Variants in KPNA2 observed in about 807,000 individuals in gnomAD.
KPNA2 encodes the protein importin subunit alpha-1.
In KPNA2, 20 loss-of-function variants were observed where a neutral mutation model predicts 53.7. The observed-to-expected ratio is 0.37, with a 90% confidence interval of 0.26 to 0.54. The LOEUF (loss-of-function observed/expected upper bound fraction) is 0.54, where lower values mean the gene tolerates loss of function less well. KPNA2 is among the 20% of genes least tolerant of loss of function. KPNA2 has a pLI of 0.83. For synonymous variants in KPNA2, 238 were observed against 227.5 expected (o/e 1.05, Z -0.42); for missense variants, 515 against 640.3 (o/e 0.80, Z 2.11).
chr17:68,043,984 G>C lies in KPNA2; in HGVS notation c.1077G>C (p.Met359Ile), dbSNP rs2071297289. The change falls in exon 8 of 11, where the codon ATG becomes ATC. Residue 359 changes from methionine to isoleucine, a missense_variant. By Grantham distance (10) the Met-to-Ile change is conservative. Coordinates refer to ENST00000330459, the MANE Select transcript of KPNA2 (RefSeq NM_002266.4). ...TNIQKEATWTMSNITAGRQDQ... is the reference protein window; with the variant it reads ...TNIQKEATWTISNITAGRQDQ... The stretch of plus-strand genomic sequence containing the variant: ...TTCAGAAGGAAGCTACGTGGACAAT[G>C]TCAAACATCACAGCCGGCCGCCAGG... 1 of 1,614,016 alleles carries C rather than the reference G, an allele frequency of 6.2e-7. No homozygotes were observed. Among genetic ancestry groups the C allele is most frequent in the Non-Finnish European group, 8.5e-7 (1 of 1,179,894 alleles).
In KPNA2 at chr17:68,040,853, C is replaced by CAGAT. The variant is rs201365288; in HGVS notation, c.302+90_302+93dup. On this transcript the variant is annotated intron_variant, in intron 4 of 10. Transcript: ENST00000330459. Reference sequence around the variant, plus strand: ...GGGGGGTGGGGCAGGAAGGGACAGACAGATAGTACAAGGAAAGATTAGGCC... The same window carrying CAGAT: ...GGGGGGTGGGGCAGGAAGGGACAGACAGATAGATAGTACAAGGAAAGATTAGGCC... 1,263 of 804,990 alleles carry CAGAT rather than the reference C, an allele frequency of 1.6e-3. 19 individuals carry two copies. In the African/African-American group the frequency reaches 0.019, roughly 12 times the overall value. The allele number at this position is 804,990 out of a possible 1,614,324, so 49.9% of individuals were successfully genotyped here. A position where few individuals can be genotyped will look rare whatever the true frequency, so the allele number is the denominator to read the frequency against.
intron 9 of KPNA2, among the ~76,000 whole-genome samples, chr17:68,045,043 C>G (rs1450990091): frequency 6.7e-6 from 1 of 148,308 alleles, no homozygotes; most frequent in Non-Finnish European, 1.5e-5. Context: ...TGCAGTGAGC[C>G]AAGTTTGTGT....
Position 68,042,991 on chromosome 17 carries a change from TCTTTAGCA to T in KPNA2, c.659_666del (p.Ser220LeufsTer6). 1 of 1,613,458 alleles carries T rather than the reference TCTTTAGCA, an allele frequency of 6.2e-7. No homozygotes were observed. Among genetic ancestry groups the T allele is most frequent in the Non-Finnish European group, 8.5e-7 (1 of 1,179,432 alleles). On this transcript the variant is annotated frameshift_variant and splice_region_variant, in exon 6 of 11. Transcript: ENST00000330459. LOFTEE classifies it high-confidence loss of function. ...TCTCCTTGCAGTTCCTGATATGTCA[TCTTTAGCA>T]GTAAGTTACTAACATGAGTAAAGTT...
At position 68,042,097 on chromosome 17, in the gene KPNA2, C is replaced by T. The variant is rs1599141439; in HGVS notation, c.315C>T (p.Ser105=). 1.2e-6 allele frequency: 2 copies of T among 1,612,486 alleles called. No homozygotes were observed. Among genetic ancestry groups the T allele is most frequent in the Non-Finnish European group, 1.7e-6 (2 of 1,178,816 alleles). Residue 105 remains serine (S), a synonymous_variant, in exon 5 of 11, where the codon TCC becomes TCT. Coordinates refer to ENST00000330459, the MANE Select transcript of KPNA2 (RefSeq NM_002266.4). ...TGTTCCCCTTTAGGAAACTACTTTC[C>T]AGAGAAAAACAGCCCCCCATAGACA... ...QATQAARKLL[S]REKQPPIDNI...
At chr17:68,043,028 C>CA in intron 6 of KPNA2, 29 bp downstream of exon 6, 1 of 1,608,960 alleles carries the variant, frequency 6.2e-7, no homozygotes, top group Non-Finnish European at 8.5e-7. Flanking sequence ...TAAAGTTACT[C>CA]ACTTCTTCAT....
intron 4 of KPNA2, 115 bp downstream of exon 4, chr17:68,040,881 C>T: frequency 1.5e-6 from 1 of 666,296 alleles, no homozygotes; most frequent in South Asian, 1.7e-5. Flanking sequence ...ATTAGGCCAG[C>T]CAGCCATAAG....
Position 68,040,693 on chromosome 17 carries a change from T to C in KPNA2, c.229T>C (p.Ser77Pro). 6.2e-7 allele frequency: 1 copy of C among 1,611,316 alleles called. No homozygotes were observed. Among genetic ancestry groups the C allele is most frequent in the Non-Finnish European group, 8.5e-7 (1 of 1,177,922 alleles). The change falls in exon 4 of 11, where the codon TCT becomes CCT. Residue 77 changes from serine (S) to proline (P), a missense_variant. Coordinates refer to ENST00000330459, the MANE Select transcript of KPNA2 (RefSeq NM_002266.4). ...NRNNQGTVNW[S>P]VDDIVKGINS... ...TTTCTTCTAGGGCACTGTAAATTGG[T>C]CTGTTGATGACATTGTCAAAGGCAT...
intron 3 of KPNA2, among the ~76,000 whole-genome samples, chr17:68,039,472 A>T (rs751708707): frequency 6.6e-6 from 1 of 151,700 alleles, no homozygotes; most frequent in Non-Finnish European, 1.5e-5. Flanking sequence ...AAATATGTAG[A>T]TTATAAAATT....
chr17:68,043,604 G>A (rs1428796599), intron 7 of KPNA2, among the ~76,000 whole-genome samples: 1 of 151,220 alleles, frequency 6.6e-6, no homozygotes, highest in Non-Finnish European at 1.5e-5. Context: ...TACTCGGGAG[G>A]CTAAGGCAGG....
intron 3 of KPNA2, among the ~76,000 whole-genome samples, chr17:68,039,029 T>A (rs2071222246): frequency 6.6e-6 from 1 of 152,174 alleles, no homozygotes; most frequent in Non-Finnish European, 1.5e-5. Context: ...ATCCCTACTC[T>A]ATGAAGGCCT....
Position 68,037,505 on chromosome 17 carries a change from G to A in KPNA2, c.213+10G>A. 6.2e-7 allele frequency: 1 copy of A among 1,608,932 alleles called. No homozygotes were observed. The highest frequency in any genetic ancestry group is 2.2e-5 in the East Asian group (1 of 44,858). On this transcript the variant is annotated intron_variant, in intron 3 of 10. Coordinates refer to ENST00000330459, the MANE Select transcript of KPNA2 (RefSeq NM_002266.4). ...AAACCGCAACAACCAGGTAAAAAAT[G>A]TATTTTAGTTTATGAGTTACGTGAA... is the stretch of plus-strand genomic sequence containing the variant.
In KPNA2 at chr17:68,037,390, G is replaced by A; in HGVS notation, c.108G>A (p.Val36=). The A allele has an allele frequency of 2.5e-6, 4 of 1,614,026 alleles. No homozygotes were observed. Among genetic ancestry groups the A allele is most frequent in the Non-Finnish European group, 3.4e-6 (4 of 1,179,920 alleles). Residue 36 remains valine (V), a synonymous_variant, in exon 3 of 11, where the codon GTG becomes GTA. Transcript: ENST00000330459. ...EMRRRRIEVN[V]ELRKAKKDDQ... ...GGCGTCGCAGAATAGAGGTCAATGT[G>A]GAGCTGAGGAAAGCTAAGAAGGATG...
intron 4 of KPNA2, among the ~76,000 whole-genome samples, chr17:68,041,087 G>GGAA (rs757356305): frequency 5.7e-4 from 87 of 152,140 alleles, no homozygotes; most frequent in South Asian, 2.1e-4. Flanking sequence ...GGCAGGGGAA[G>GGAA]GAAGAAATAA....
At chr17:68,041,841 G>GATGGAA (rs1660082404) in intron 4 of KPNA2, among the ~76,000 whole-genome samples, 1 of 152,190 alleles carries the variant, frequency 6.6e-6, no homozygotes, top group Admixed American at 6.5e-5. Context: ...TTTCTGCAGG[G>GATGGAA]ATGGAAAGGA....
intron 9 of KPNA2, 169 bp from the exon 10 acceptor site, chr17:68,045,603 T>C (rs2071318858): frequency 1.9e-6 from 1 of 537,138 alleles, no homozygotes; most frequent in Non-Finnish European, 3.3e-6. Context: ...TCCAATCACA[T>C]TGAGTGTCAA....
chr17:68,042,600 C>T (rs782213658), intron 5 of KPNA2, among the ~76,000 whole-genome samples: 4 of 152,026 alleles, frequency 2.6e-5, no homozygotes, highest in Non-Finnish European at 4.4e-5. Flanking sequence ...AATCTTGCCT[C>T]GGCCGGGCAT....
At chr17:68,036,881 A>C (rs2071196094) in intron 1 of KPNA2, 1 of 384,652 alleles carries the variant, frequency 2.6e-6, no homozygotes, top group East Asian at 5.2e-5. Flanking sequence ...TATAGCTTGC[A>C]TTCTATTTCT....
chr17:68,046,741 C>T lies in KPNA2; in HGVS notation c.*145C>T. ...CTATACTTGAACAGTTCCAACTGTACATACATACTGTATGAAGCTTGTCCT... is the reference window on the plus strand; with the variant it reads ...CTATACTTGAACAGTTCCAACTGTATATACATACTGTATGAAGCTTGTCCT... On this transcript the variant is annotated 3_prime_UTR_variant, in exon 11 of 11. Coordinates refer to ENST00000330459, the MANE Select transcript of KPNA2 (RefSeq NM_002266.4). The T allele has an allele frequency of 1.7e-6, 1 of 578,214 alleles. No homozygotes were observed. Among genetic ancestry groups the T allele is most frequent in the Non-Finnish European group, 3.1e-6 (1 of 318,758 alleles). The allele number at this position is 578,214 out of a possible 1,614,324, so 35.8% of individuals were successfully genotyped here. A position where few individuals can be genotyped will look rare whatever the true frequency, so the allele number is the denominator to read the frequency against.
At chr17:68,044,224 C>T in intron 8 of KPNA2, 97 bp from the exon 9 acceptor site, 4 of 1,354,476 alleles carry the variant, frequency 3.0e-6, no homozygotes, top group South Asian at 1.3e-5. Context: ...TTGGATAGAA[C>T]CTTGGTACTT....
Sources: allele counts gnomAD v4.1 joint callset (sites outside exome capture counted in the v4.1 genomes callset), GRCh38; gene constraint gnomAD v4.1.1; transcripts MANE v1.5; gene names NCBI Gene and HGNC (gene_info 2026-07-23, HGNC 2026-07-21).